The following PTPRG variants were observed in gnomAD, a reference collection of about 807,000 sequenced individuals.
PTPRG encodes the protein receptor-type tyrosine-protein phosphatase gamma.
PTPRG carries 102 observed loss-of-function variants against 165.3 expected under a neutral mutation model. The ratio of observed to expected loss-of-function variants is 0.62; its 90% CI spans 0.53 to 0.73. The LOEUF (loss-of-function observed/expected upper bound fraction) is 0.73. Ranked by LOEUF, PTPRG falls within the 30% of genes least tolerant of loss-of-function variation. PTPRG has a pLI of 0.00. For missense variants in PTPRG, 1,866 were observed against 1,861.4 expected (o/e 1.00, Z -0.05); for synonymous variants, 675 against 669.5 (o/e 1.01, Z -0.13).
chr3:62,076,614 T>C (rs1482017174), intron 4 of PTPRG, among the ~76,000 whole-genome samples: 2 of 151,184 alleles, frequency 1.3e-5, no homozygotes, highest in African/African-American at 4.9e-5. Context: ...AGAGTTTTGC[T>C]CTTGTTGCCC....
chr3:62,073,478 A>G (rs1701275977), intron 4 of PTPRG, among the ~76,000 whole-genome samples: 1 of 152,070 alleles, frequency 6.6e-6, no homozygotes, highest in South Asian at 2.1e-4. Context: ...CACGGAGAAG[A>G]TATAAATTTT....
intron 4 of PTPRG, among the ~76,000 whole-genome samples, chr3:62,009,858 G>T (rs1470601325): frequency 6.6e-6 from 1 of 152,146 alleles, no homozygotes; most frequent in Non-Finnish European, 1.5e-5. Context: ...TACATGTCAG[G>T]TTGGGTAGCA....
At chr3:62,257,344 C>T (rs1701561585) in intron 16 of PTPRG, among the ~76,000 whole-genome samples, 1 of 151,920 alleles carries the variant, frequency 6.6e-6, no homozygotes, top group South Asian at 2.1e-4. Flanking sequence ...TAAGAAAGGA[C>T]AGAAAAAGAT....
chr3:61,679,787 C>G (rs987315651), intron 1 of PTPRG, among the ~76,000 whole-genome samples: 6 of 151,634 alleles, frequency 4.0e-5, no homozygotes, highest in Non-Finnish European at 8.8e-5. Flanking sequence ...CTCAAAAAAC[C>G]AAAAAAACAG....
intron 5 of PTPRG, among the ~76,000 whole-genome samples, chr3:62,117,725 T>C (rs1702916601): frequency 6.6e-6 from 1 of 152,200 alleles, no homozygotes; most frequent in South Asian, 2.1e-4. Flanking sequence ...TCTACTAATA[T>C]CACAATTACA....
chr3:61,614,647 A>G (rs1297953068), intron 1 of PTPRG, among the ~76,000 whole-genome samples: 4 of 152,064 alleles, frequency 2.6e-5, no homozygotes, highest in African/African-American at 9.7e-5. Flanking sequence ...CCTGGATTCA[A>G]GCAATCCACC....
chr3:62,106,771 A>G (rs999616749), intron 5 of PTPRG, among the ~76,000 whole-genome samples: 3 of 152,178 alleles, frequency 2.0e-5, no homozygotes, highest in Non-Finnish European at 4.4e-5. Context: ...CTTGTGTTTC[A>G]TCTGGCCTGG....
intron 1 of PTPRG, among the ~76,000 whole-genome samples, chr3:61,635,101 A>G (rs4688261): frequency 0.61 from 92,471 of 151,964 alleles, 29,217 homozygotes; most frequent in African/African-American, 0.79. Context: ...CTTCCTGAGC[A>G]TGCAATAAAG....
chr3:61,646,330 C>T (rs757276015), intron 1 of PTPRG, among the ~76,000 whole-genome samples: 16 of 152,150 alleles, frequency 1.1e-4, no homozygotes, highest in Admixed American at 6.5e-4. Context: ...AGGCTGGTCT[C>T]GAACTTCTGA....
intron 8 of PTPRG, among the ~76,000 whole-genome samples, chr3:62,169,334 C>A (rs1341941823): frequency 6.6e-6 from 1 of 152,124 alleles, no homozygotes; most frequent in African/African-American, 2.4e-5. Context: ...TACCATCCAC[C>A]CCCGGCAAGA....
At chr3:61,933,589 C>G (rs1422397308) in intron 2 of PTPRG, among the ~76,000 whole-genome samples, 1 of 152,148 alleles carries the variant, frequency 6.6e-6, no homozygotes, top group Non-Finnish European at 1.5e-5. Flanking sequence ...ATTACCATGT[C>G]ACTCCTCCAT....
chr3:61,976,002 A>T (rs886400000), intron 2 of PTPRG, among the ~76,000 whole-genome samples: 3 of 152,030 alleles, frequency 2.0e-5, no homozygotes, highest in African/African-American at 7.2e-5. Flanking sequence ...TCTATGTCCT[A>T]CCCTTGAAGA....
intron 1 of PTPRG, among the ~76,000 whole-genome samples, chr3:61,607,728 G>A (rs1194213194): frequency 6.6e-6 from 1 of 152,098 alleles, no homozygotes; most frequent in Non-Finnish European, 1.5e-5. Flanking sequence ...TCAGTTTGAG[G>A]GCCCACTTTC....
At chr3:61,684,726 G>A (rs1280845678) in intron 1 of PTPRG, among the ~76,000 whole-genome samples, 2 of 152,194 alleles carry the variant, frequency 1.3e-5, no homozygotes, top group African/African-American at 2.4e-5. Context: ...GCAGAACCAA[G>A]AATTAGCAAA....
chr3:61,672,040 A>G (rs1290481530), intron 1 of PTPRG, among the ~76,000 whole-genome samples: 13 of 120,034 alleles, frequency 1.1e-4, no homozygotes, highest in East Asian at 7.9e-4. Context: ...CTCACTTCTC[A>G]GACGGGGCGG....
chr3:62,052,101 C>CT (rs1173251922), intron 4 of PTPRG, among the ~76,000 whole-genome samples: 1 of 152,126 alleles, frequency 6.6e-6, no homozygotes. Context: ...TTGGTCTATG[C>CT]TTTTTTGATA....
chr3:61,718,729 G>A (rs1243455515), intron 1 of PTPRG, among the ~76,000 whole-genome samples: 1 of 152,170 alleles, frequency 6.6e-6, no homozygotes, highest in Non-Finnish European at 1.5e-5. Flanking sequence ...TCATAAGACA[G>A]GCTGATGATT....
At chr3:62,276,824 A>G in intron 24 of PTPRG, 148 bp from the exon 25 acceptor site, 1 of 629,042 alleles carries the variant, frequency 1.6e-6, no homozygotes. Flanking sequence ...CTCAGCTGAT[A>G]ACACTTTAGC....
chr3:62,059,060 A>G (rs1175777173), intron 4 of PTPRG, among the ~76,000 whole-genome samples: 1 of 152,196 alleles, frequency 6.6e-6, no homozygotes, highest in Admixed American at 6.5e-5. Context: ...GAAGGGGCAC[A>G]GATTGTAGAG....
Sources: allele counts gnomAD v4.1 joint callset (sites outside exome capture counted in the v4.1 genomes callset), GRCh38; gene constraint gnomAD v4.1.1; transcripts MANE v1.5; gene names NCBI Gene and HGNC (gene_info 2026-07-23, HGNC 2026-07-21).